MIEF2: variants seen among roughly 807,000 people sequenced by gnomAD.
MIEF2 encodes mitochondrial elongation factor 2.
A neutral mutation model predicts 7.4 loss-of-function variants in MIEF2; 1 was observed. The observed-to-expected ratio is 0.14, with a 90% confidence interval of 0.05 to 0.64. The LOEUF is 0.64. Ranked by LOEUF, MIEF2 falls within the 30% of genes least tolerant of loss-of-function variation. The probability of loss-of-function intolerance (pLI) is 0.85; values close to 1 mark genes in which losing one functional copy is unlikely to be tolerated. For synonymous variants in MIEF2, 275 were observed against 290.5 expected (o/e 0.95, Z 0.54); for missense variants, 569 against 623.9 (o/e 0.91, Z 0.94).
rs1978582514 is a variant in MIEF2, at chr17:18,263,977, A to G, written c.578A>G (p.His193Arg). The change falls in exon 4 of 4, where the codon CAT (histidine) becomes CGT (arginine). Residue 193 changes from histidine to arginine, a missense_variant. His to Arg is a conservative substitution (Grantham distance 29). Coordinates refer to ENST00000323019, the MANE Select transcript of MIEF2 (RefSeq NM_139162.4). ...GGGCTGCAGGCGGGGGCTGCGGACCATGTGCGTCTCCTGGTGCCACTGGTG... is the reference window on the plus strand; with the variant it reads ...GGGCTGCAGGCGGGGGCTGCGGACCGTGTGCGTCTCCTGGTGCCACTGGTG... ...YDGLQAGAAD[H>R]VRLLVPLVLE... 1.9e-6 allele frequency: 3 copies of G among 1,575,724 alleles called. No individual in the cohort carries two copies. The highest frequency in any genetic ancestry group is 2.3e-5 in the East Asian group (1 of 44,322).
Position 18,264,658 on chromosome 17 carries a change from A to G in MIEF2, c.1259A>G (p.His420Arg). The change falls in exon 4 of 4, where the codon CAC becomes CGC. Residue 420 changes from histidine to arginine, a missense_variant. Transcript: ENST00000323019. ...CTGGAGCAGGCCAGCCTGCCCTGCC[A>G]CTTCAACCCCAGCGTGAACCTCTTC... Reference protein sequence around the residue: ...GSLEQASLPCHFNPSVNLFSS... With the variant: ...GSLEQASLPCRFNPSVNLFSS... 1 of 1,612,604 alleles carries G rather than the reference A, an allele frequency of 6.2e-7. No individual in the cohort carries two copies. Among genetic ancestry groups the G allele is most frequent in the South Asian group, 1.1e-5 (1 of 91,080 alleles).
In MIEF2 at chr17:18,262,785, A is replaced by G; in HGVS notation, c.65A>G (p.Asp22Gly). 3.8e-6 allele frequency: 6 copies of G among 1,597,886 alleles called. No individual in the cohort carries two copies. The highest frequency in any genetic ancestry group is 5.1e-6 in the Non-Finnish European group (6 of 1,172,090). The change falls in exon 2 of 4, where the codon GAC becomes GGC. Residue 22 changes from aspartate to glycine, a missense_variant. Asp to Gly is a moderately conservative substitution (Grantham distance 94). Transcript: ENST00000323019. ...RSDEGLGSMV[D>G]FLLANARLVL... ...GACGAAGGGCTGGGCAGCATGGTGG[A>G]CTTCCTCCTGGCCAATGCCCGCCTG...
chr17:18,262,344 GGA>G (rs375671857), intron 1 of MIEF2, among the ~76,000 whole-genome samples: 50 of 152,274 alleles, frequency 3.3e-4, no homozygotes, highest in African/African-American at 1.2e-3. Flanking sequence ...TGGGCTCCAG[GGA>G]GAGAGGCCCC....
intron 1 of MIEF2, among the ~76,000 whole-genome samples, chr17:18,262,376 C>T (rs1479665220): frequency 2.0e-5 from 3 of 152,212 alleles, no homozygotes; most frequent in African/African-American, 7.2e-5. Context: ...CTGCACAAGC[C>T]TCAGGGCCTT....
chr17:18,260,824 CG>C (rs1978361390), intron 1 of MIEF2, 87 bp downstream of exon 1: 1 of 374,514 alleles, frequency 2.7e-6, no homozygotes, highest in Admixed American at 4.4e-5. Flanking sequence ...GGGCGTGGCC[CG>C]CGATCACCGC....
In MIEF2 at chr17:18,264,959, T is replaced by G; in HGVS notation, c.*195T>G. The G allele has an allele frequency of 9.7e-7, 1 of 1,028,248 alleles. No homozygotes were observed. Among genetic ancestry groups the G allele is most frequent in the Non-Finnish European group, 1.3e-6 (1 of 741,818 alleles). The allele number at this position is 1,028,248 out of a possible 1,614,324, so 63.7% of individuals were successfully genotyped here. On this transcript the variant is annotated 3_prime_UTR_variant, in exon 4 of 4. Coordinates refer to ENST00000323019, the MANE Select transcript of MIEF2 (RefSeq NM_139162.4). Reference sequence around the variant, plus strand: ...CCTGAGCCCAGAGAGCTTGGGTCACTGTCACCTGAGTGCAGCTGGGCTGCC... The same window carrying G: ...CCTGAGCCCAGAGAGCTTGGGTCACGGTCACCTGAGTGCAGCTGGGCTGCC...
chr17:18,262,985 G>A, intron 2 of MIEF2, 101 bp from the exon 3 acceptor site: 8 of 1,550,696 alleles, frequency 5.2e-6, no homozygotes, highest in Non-Finnish European at 6.1e-6. Context: ...GGGAGCCCAG[G>A]GCACCTGCTT....
intron 1 of MIEF2, chr17:18,261,045 G>T (rs1978386701): frequency 6.7e-7 from 1 of 1,498,248 alleles, no homozygotes; most frequent in Non-Finnish European, 9.1e-7. Flanking sequence ...GCCCCGCTGC[G>T]CAAACTTGGG....
chr17:18,262,614 A>T, intron 1 of MIEF2, 100 bp from the exon 2 acceptor site: 2 of 1,165,718 alleles, frequency 1.7e-6, no homozygotes, highest in Non-Finnish European at 2.3e-6. Flanking sequence ...CAGCTCTGTT[A>T]CCCAGCATAA....
rs773784698 is a variant in MIEF2 at position 18,263,101 on chromosome 17, A to G, written c.163A>G (p.Thr55Ala). The G allele has an allele frequency of 2.4e-5, 39 of 1,613,186 alleles. No individual in the cohort carries two copies. Among genetic ancestry groups the G allele is most frequent in the Non-Finnish European group, 3.2e-5 (38 of 1,179,888 alleles). ...LAVKRFIDRA[T>A]SPRDEDDTKA... The stretch of plus-strand genomic sequence containing the variant: ...GTGCTTGCAGTTCATTGACAGGGCC[A>G]CTAGCCCGCGGGATGAGGATGACAC... Residue 55 changes from threonine (T) to alanine (A), a missense_variant, in exon 3 of 4, where the codon ACT becomes GCT. Physicochemically the swap from Thr to Ala is moderately conservative, Grantham distance 58. Transcript: ENST00000323019.
intron 1 of MIEF2, among the ~76,000 whole-genome samples, chr17:18,261,511 C>A (rs1022167531): frequency 5.3e-5 from 8 of 152,168 alleles, no homozygotes; most frequent in Non-Finnish European, 1.2e-4. Context: ...CAGGCCTCCC[C>A]GGGAGAGTTC....
intron 1 of MIEF2, chr17:18,261,051 T>G (rs939644765): frequency 6.6e-7 from 1 of 1,512,446 alleles, no homozygotes; most frequent in Non-Finnish European, 9.0e-7. Context: ...CTGCGCAAAC[T>G]TGGGTTATTT....
Position 18,264,557 on chromosome 17 carries a change from G to T in MIEF2, c.1158G>T (p.Gly386=). The T allele has an allele frequency of 5.6e-6, 9 of 1,610,876 alleles. No individual in the cohort carries two copies. Among genetic ancestry groups the T allele is most frequent in the Non-Finnish European group, 6.8e-6 (8 of 1,179,930 alleles). Residue 386 remains glycine (G), a synonymous_variant, in exon 4 of 4, where the codon GGG becomes GGT. Transcript: ENST00000323019. ...TGACCCAGGTGGTCCTGCGTCTGGG[G>T]GAGGACAACGTGGATTGGACGGAGG... is the stretch of plus-strand genomic sequence containing the variant. ...GHLTQVVLRL[G]EDNVDWTEEA...
In MIEF2 at chr17:18,264,684, A is replaced by G; in HGVS notation, c.1285A>G (p.Ser429Gly). ...CTTCAACCCCAGCGTGAACCTCTTC[A>G]GCAGCTTGCGTGAGGAGGAGATTGA... ...CHFNPSVNLF[S>G]SLREEEIDDI... Residue 429 changes from serine to glycine, a missense_variant, in exon 4 of 4, where the codon AGC becomes GGC. Physicochemically the swap from Ser to Gly is moderately conservative, Grantham distance 56 (BLOSUM62 0). Transcript: ENST00000323019. 2 of 1,612,788 alleles carry G rather than the reference A, an allele frequency of 1.2e-6. No homozygotes were observed. Among genetic ancestry groups the G allele is most frequent in the South Asian group, 2.2e-5 (2 of 91,078 alleles).
chr17:18,262,465 G>C (rs1044796388), intron 1 of MIEF2, among the ~76,000 whole-genome samples: 1 of 152,166 alleles, frequency 6.6e-6, no homozygotes, highest in Non-Finnish European at 1.5e-5. Flanking sequence ...GGGGGCTTGG[G>C]ACCCCAAAAC....
chr17:18,264,334 C>T lies in MIEF2; in HGVS notation c.935C>T (p.Ala312Val), dbSNP rs1192891414. The change falls in exon 4 of 4, where the codon GCT (alanine) becomes GTT (valine). Residue 312 changes from alanine to valine, a missense_variant. Coordinates refer to ENST00000323019, the MANE Select transcript of MIEF2 (RefSeq NM_139162.4). ...CTTGTGGCAGTCCCTGGGGTCGATG[C>T]TGACGACCGCCTCCTCTTGGCCTGG... is the stretch of plus-strand genomic sequence containing the variant. ...AVLVAVPGVDADDRLLLAWPL... is the reference protein window; with the variant it reads ...AVLVAVPGVDVDDRLLLAWPL... The T allele has an allele frequency of 8.1e-6, 13 of 1,606,368 alleles. No homozygotes were observed. Among genetic ancestry groups the T allele is most frequent in the Middle Eastern group, 1.6e-4 (1 of 6,062 alleles).
rs775323009 is a variant in MIEF2 at position 18,263,958 on chromosome 17, C to T, written c.559C>T (p.Gln187Ter). ...TGGGGGGCCGCTCTACGACGGGCTG[C>T]AGGCGGGGGCTGCGGACCATGTGCG... Reference protein sequence around the residue: ...VPGGPLYDGLQAGAADHVRLL... With the variant: ...VPGGPLYDGL Residue 187 changes from glutamine to a stop codon, truncating the protein, a stop_gained, in exon 4 of 4, where the codon CAG (glutamine) becomes TAG (stop). Transcript: ENST00000323019. LOFTEE classifies it low-confidence loss of function (END_TRUNC). 1 of 1,585,238 alleles carries T rather than the reference C, an allele frequency of 6.3e-7. No homozygotes were observed. The highest frequency in any genetic ancestry group is 1.1e-5 in the South Asian group (1 of 89,406).
chr17:18,262,696 C>CGAA lies in MIEF2; in HGVS notation c.-7-18_-7-17insGAA. On this transcript the variant is annotated splice_polypyrimidine_tract_variant and intron_variant, in intron 1 of 3. Transcript: ENST00000323019. ...CACCTGCACCTGAGCTGCCCCTTCACCCCTGGCTCTCTTACAGGCAGACCA... is the reference window on the plus strand; with the variant it reads ...CACCTGCACCTGAGCTGCCCCTTCACGAACCCTGGCTCTCTTACAGGCAGACCA... 6.3e-7 allele frequency: 1 copy of CGAA among 1,578,710 alleles called. No homozygotes were observed. Among genetic ancestry groups the CGAA allele is most frequent in the Non-Finnish European group, 8.6e-7 (1 of 1,161,262 alleles).
At chr17:18,263,401 T>A in intron 3 of MIEF2, 153 bp downstream of exon 3, 1 of 1,140,778 alleles carries the variant, frequency 8.8e-7, no homozygotes, top group Non-Finnish European at 1.3e-6. Flanking sequence ...TTCTTTGCCC[T>A]GTTCCTGGAG....
Sources: allele counts gnomAD v4.1 joint callset (sites outside exome capture counted in the v4.1 genomes callset), GRCh38; gene constraint gnomAD v4.1.1; transcripts MANE v1.5; gene names NCBI Gene and HGNC (gene_info 2026-07-23, HGNC 2026-07-21).